The following ACP7 variants were observed in gnomAD, a reference collection of about 807,000 sequenced individuals.
ACP7 encodes acid phosphatase 7, tartrate resistant (putative).
ACP7 carries 58 observed loss-of-function variants against 60.6 expected under a neutral mutation model. The ratio of observed to expected loss-of-function variants is 0.96; its 90% CI spans 0.77 to 1.19. The LOEUF (loss-of-function observed/expected upper bound fraction) is 1.19, where lower values mean the gene tolerates loss of function less well. Among genes scored for constraint, ACP7 ranks in the 50% most tolerant of loss-of-function variants. ACP7 has a pLI of 0.00. For missense variants in ACP7, 574 were observed against 596.2 expected (o/e 0.96, Z 0.39); for synonymous variants, 237 against 232.6 (o/e 1.02, Z -0.17).
At chr19:39,092,880 C>T (rs535517225) in intron 2 of ACP7, among the ~76,000 whole-genome samples, 11 of 148,312 alleles carry the variant, frequency 7.4e-5, no homozygotes, top group East Asian at 4.1e-4. Context: ...CAGATTCAAG[C>T]GATTCTCCTG....
chr19:39,099,391 C>A (rs1035552601), intron 4 of ACP7, among the ~76,000 whole-genome samples: 1 of 152,174 alleles, frequency 6.6e-6, no homozygotes, highest in Admixed American at 6.5e-5. Flanking sequence ...GGTTTTCCCC[C>A]GTATATTTTG....
In ACP7 at chr19:39,110,448, C is replaced by T. The variant is rs1347221515; in HGVS notation, c.*330C>T. 3.6e-5 allele frequency: 9 copies of T among 248,498 alleles called. No individual in the cohort carries two copies. Among genetic ancestry groups the T allele is most frequent in the Non-Finnish European group, 2.3e-5 (3 of 129,014 alleles). The allele number at this position is 248,498 out of a possible 1,614,324, so 15.4% of individuals were successfully genotyped here. A position where few individuals can be genotyped will look rare whatever the true frequency, so the allele number is the denominator to read the frequency against. On this transcript the variant is annotated 3_prime_UTR_variant, in exon 13 of 13. Coordinates refer to ENST00000331256, the MANE Select transcript of ACP7 (RefSeq NM_001004318.3). The stretch of plus-strand genomic sequence containing the variant: ...AGGAATGAAGAGGCTTAAGCTCTGG[C>T]TCCATGGATTCTGCACATCTGCGGG...
At chr19:39,102,747 C>CTTTG (rs774120353) in intron 11 of ACP7, among the ~76,000 whole-genome samples, 5 of 81,460 alleles carry the variant, frequency 6.1e-5, no homozygotes, top group African/African-American at 2.2e-4. Flanking sequence ...TTCTTTCTTT[C>CTTTG]TTTCTTTCTT....
chr19:39,100,370 G>A lies in ACP7; in HGVS notation c.629+20G>A. ...ACGCTAGTGAGGACTGAGGGTGGTG[G>A]CGGTGGGCGAGGGCTGGATCAATGG... On this transcript the variant is annotated intron_variant, in intron 5 of 12. Transcript: ENST00000331256. The A allele has an allele frequency of 6.2e-7, 1 of 1,613,258 alleles. No individual in the cohort carries two copies. Among genetic ancestry groups the A allele is most frequent in the Non-Finnish European group, 8.5e-7 (1 of 1,179,340 alleles).
rs749845761 is a variant in ACP7 at position 39,101,161 on chromosome 19, C to T, written c.927C>T (p.Gly309=). The T allele has an allele frequency of 6.2e-7, 1 of 1,614,136 alleles. No homozygotes were observed. Among genetic ancestry groups the T allele is most frequent in the South Asian group, 1.1e-5 (1 of 91,086 alleles). The part of the protein sequence containing the change: ...CTRHESKVRK[G]LQGKLYGLED... ...TTCACCCTGCCCAGGTCCGCAAAGGCCTCCAAGGCAAGCTGTACGGGTTGG... is the reference window on the plus strand; with the variant it reads ...TTCACCCTGCCCAGGTCCGCAAAGGTCTCCAAGGCAAGCTGTACGGGTTGG... Residue 309 remains glycine, a synonymous_variant, in exon 9 of 13, where the codon GGC becomes GGT. Coordinates refer to ENST00000331256, the MANE Select transcript of ACP7 (RefSeq NM_001004318.3).
intron 2 of ACP7, among the ~76,000 whole-genome samples, chr19:39,094,220 G>T (rs1188677795): frequency 6.6e-6 from 1 of 152,094 alleles, no homozygotes; most frequent in Non-Finnish European, 1.5e-5. Flanking sequence ...TATGTTGTAG[G>T]CTGGGCGTGG....
chr19:39,102,273 C>A (rs1200756557), intron 11 of ACP7, among the ~76,000 whole-genome samples: 1 of 151,876 alleles, frequency 6.6e-6, no homozygotes, highest in Non-Finnish European at 1.5e-5. Context: ...GAGTTATGAT[C>A]GCACCAATGC....
At chr19:39,102,158 A>AC (rs56951342) in intron 11 of ACP7, among the ~76,000 whole-genome samples, 19 of 149,918 alleles carry the variant, frequency 1.3e-4, no homozygotes, top group African/African-American at 3.4e-4. Context: ...ACACACACAC[A>AC]AAAGATACTG....
intron 2 of ACP7, among the ~76,000 whole-genome samples, chr19:39,097,052 G>A (rs2073274350): frequency 2.6e-5 from 4 of 152,152 alleles, no homozygotes; most frequent in Admixed American, 6.6e-5. Context: ...TGCCCACCTT[G>A]GCCTCCCAAA....
Position 39,103,441 on chromosome 19 carries a change from G to GTGTTTTTTT in ACP7, c.1113+1905_1113+1906insGTTTTTTTT, listed in dbSNP as rs1230916229. Among the ~76,000 whole-genome samples the GTGTTTTTTT allele has an allele frequency of 2.8e-3, 180 of 64,738 alleles. 6 individuals are homozygous for GTGTTTTTTT. The highest frequency in any genetic ancestry group is 3.8e-3 in the Non-Finnish European group (140 of 37,246). 42.5% of individuals were successfully genotyped at this position (64,738 alleles called of 152,430 possible). A position where few individuals can be genotyped will look rare whatever the true frequency, so the allele number is the denominator to read the frequency against. On this transcript the variant is annotated intron_variant, in intron 11 of 12. Coordinates refer to ENST00000331256, the MANE Select transcript of ACP7 (RefSeq NM_001004318.3). ...TCAAAACATTCCAGGATCATCATGTGTTTTTTTTTTTTTTTTTTTTTTTTT... is the reference window on the plus strand; with the variant it reads ...TCAAAACATTCCAGGATCATCATGTGTGTTTTTTTTTTTTTTTTTTTTTTTTTTTTTTTT...
At chr19:39,092,771 CTTTT>C (rs67888880) in intron 2 of ACP7, among the ~76,000 whole-genome samples, 33 of 114,654 alleles carry the variant, frequency 2.9e-4, no homozygotes, top group African/African-American at 9.6e-4. Context: ...TCCCATTCCT[CTTTT>C]TTTTTTTTTT....
At chr19:39,102,115 TTC>T (rs201692824) in intron 11 of ACP7, among the ~76,000 whole-genome samples, 1,820 of 62,412 alleles carry the variant, frequency 0.029, 32 homozygotes, top group Non-Finnish European at 0.031. Context: ...ATGAGACCCT[TTC>T]TCTCACACAC....
intron 11 of ACP7, among the ~76,000 whole-genome samples, chr19:39,101,827 C>T (rs1350728569): frequency 6.6e-6 from 1 of 151,114 alleles, no homozygotes; most frequent in Non-Finnish European, 1.5e-5. Context: ...CATGGAGGTC[C>T]AGGCACAATG....
At chr19:39,107,693 C>G (rs2073426933) in intron 12 of ACP7, among the ~76,000 whole-genome samples, 2 of 151,902 alleles carry the variant, frequency 1.3e-5, no homozygotes, top group South Asian at 4.2e-4. Flanking sequence ...AGAGACCAGC[C>G]TGGCCAACAT....
intron 2 of ACP7, among the ~76,000 whole-genome samples, chr19:39,095,566 G>A (rs1433594757): frequency 6.6e-6 from 1 of 152,206 alleles, no homozygotes; most frequent in Non-Finnish European, 1.5e-5. Flanking sequence ...TTGAGTTTCT[G>A]CAGCTTTTCC....
rs1271031338 is a variant in ACP7 at position 39,099,882 on chromosome 19, G to A, written c.506-345G>A. On this transcript the variant is annotated intron_variant, in intron 4 of 12. Transcript: ENST00000331256. ...GTGGCAAGTGTCTGTAATCCCAGCT[G>A]CTTGGGAGGCTGAGGCAGGAGAACC... Among the ~76,000 whole-genome samples, 6 of 150,724 alleles carry A rather than the reference G, an allele frequency of 4.0e-5. No homozygotes were observed. In the East Asian group the frequency reaches 1.2e-3, roughly 29 times the overall value.
rs2073125502 is a variant in ACP7 at position 39,085,106 on chromosome 19, C to A, written c.-164C>A. 1.2e-6 allele frequency: 1 copy of A among 839,104 alleles called. No individual in the cohort carries two copies. The highest frequency in any genetic ancestry group is 2.8e-5 in the Admixed American group (1 of 35,414). 52.0% of individuals were successfully genotyped at this position (839,104 alleles called of 1,614,324 possible). On this transcript the variant is annotated 5_prime_UTR_variant, in exon 2 of 13. Transcript: ENST00000331256. ...TCTCTCTCCAGCACCTGGATAACCA[C>A]CCATCTTGAAGGAGACCTCCCTGCC...
At chr19:39,086,882 A>G (rs2073148597) in intron 2 of ACP7, among the ~76,000 whole-genome samples, 3 of 152,210 alleles carry the variant, frequency 2.0e-5, no homozygotes. Flanking sequence ...ATTGTCATTT[A>G]AAATTAACAA....
In ACP7 at chr19:39,100,302, C is replaced by T; in HGVS notation, c.581C>T (p.Ala194Val). Residue 194 changes from alanine to valine, a missense_variant, in exon 5 of 13, where the codon GCT becomes GTT. By Grantham distance (64) the Ala-to-Val change is moderately conservative. Coordinates refer to ENST00000331256, the MANE Select transcript of ACP7 (RefSeq NM_001004318.3). ...TTCATGCGGCTCATTGAACCCGTGGCTGCCAGCCTGCCGTACATGACATGC... is the reference window on the plus strand; with the variant it reads ...TTCATGCGGCTCATTGAACCCGTGGTTGCCAGCCTGCCGTACATGACATGC... The part of the protein sequence containing the change: ...DRFMRLIEPV[A>V]ASLPYMTCPG... 5 of 1,614,128 alleles carry T rather than the reference C, an allele frequency of 3.1e-6. No homozygotes were observed. Among genetic ancestry groups the T allele is most frequent in the Non-Finnish European group, 3.4e-6 (4 of 1,180,014 alleles).
Sources: gnomAD v4.1 joint callset for allele counts (sites outside exome capture counted in the v4.1 genomes callset) on GRCh38, gnomAD v4.1.1 for gene constraint, MANE v1.5 for transcripts, NCBI Gene and HGNC (gene_info 2026-07-23, HGNC 2026-07-21) for gene names.